The following GPR39 variants were observed in gnomAD, a reference collection of about 807,000 sequenced individuals.
The protein encoded by GPR39 is zinc sensing receptor.
In GPR39, 23 loss-of-function variants were observed where a neutral mutation model predicts 18.4. The ratio of observed to expected loss-of-function variants is 1.25; its 90% CI spans 0.90 to 1.77. The LOEUF (loss-of-function observed/expected upper bound fraction) is 1.77. Among genes scored for constraint, GPR39 ranks in the 40% most tolerant of loss-of-function variants. GPR39 has a pLI of 0.00. For missense variants in GPR39, 647 were observed against 602.4 expected (o/e 1.07, Z -0.78); for synonymous variants, 280 against 257.9 (o/e 1.09, Z -0.82).
At chr2:132,603,225 A>G (rs1681077159) in intron 1 of GPR39, among the ~76,000 whole-genome samples, 1 of 152,190 alleles carries the variant, frequency 6.6e-6, no homozygotes, top group Non-Finnish European at 1.5e-5. Flanking sequence ...AAATTCTCTC[A>G]TTCACTTTAA....
intron 1 of GPR39, among the ~76,000 whole-genome samples, chr2:132,460,074 T>C (rs1680803984): frequency 6.6e-6 from 1 of 152,220 alleles, no homozygotes; most frequent in Admixed American, 6.5e-5. Context: ...TTTGGGATTT[T>C]AGGGTAAATG....
chr2:132,442,133 C>T (rs767089218), intron 1 of GPR39, among the ~76,000 whole-genome samples: 1 of 152,148 alleles, frequency 6.6e-6, no homozygotes, highest in Admixed American at 6.5e-5. Context: ...GAGTACCACC[C>T]AACCACTTTT....
intron 1 of GPR39, among the ~76,000 whole-genome samples, chr2:132,621,114 C>T (rs62169710): frequency 1.5e-4 from 23 of 152,076 alleles, no homozygotes; most frequent in African/African-American, 3.9e-4. Flanking sequence ...TGTGTGTCTC[C>T]GGTGCTTGAG....
chr2:132,430,252 A>G (rs1680201579), intron 1 of GPR39, among the ~76,000 whole-genome samples: 2 of 152,192 alleles, frequency 1.3e-5, no homozygotes, highest in Admixed American at 6.5e-5. Flanking sequence ...ACTCCAGTCT[A>G]TTTATATCAA....
intron 1 of GPR39, among the ~76,000 whole-genome samples, chr2:132,537,813 T>C (rs1273603560): frequency 6.6e-6 from 1 of 151,926 alleles, no homozygotes; most frequent in Non-Finnish European, 1.5e-5. Flanking sequence ...GATTCTGATA[T>C]CCTTTCTTCT....
chr2:132,463,583 G>C (rs1680871901), intron 1 of GPR39, among the ~76,000 whole-genome samples: 1 of 152,054 alleles, frequency 6.6e-6, no homozygotes, highest in Non-Finnish European at 1.5e-5. Context: ...GGAGAAGAGA[G>C]GCAAGAAAAA....
intron 1 of GPR39, among the ~76,000 whole-genome samples, chr2:132,564,810 C>CTATTT (rs1680317130): frequency 3.1e-5 from 3 of 95,456 alleles, no homozygotes; most frequent in South Asian, 8.8e-4. Flanking sequence ...TTTCTTTTTT[C>CTATTT]TTTTTTTTTT....
rs1004779751 is a variant in GPR39, at chr2:132,645,623, C to T, written c.*17C>T. The T allele has an allele frequency of 6.3e-7, 1 of 1,599,708 alleles. No homozygotes were observed. The highest frequency in any genetic ancestry group is 1.7e-5 in the Admixed American group (1 of 58,184). On this transcript the variant is annotated 3_prime_UTR_variant, in exon 2 of 2. Coordinates refer to ENST00000329321, the MANE Select transcript of GPR39 (RefSeq NM_001508.3). ...GAAGTTTGAATGTCAAGCGAGGGAG[C>T]CTTGAGTGGGAACTGGCCCTCCAGC...
chr2:132,577,445 G>T (rs1212215488), intron 1 of GPR39, among the ~76,000 whole-genome samples: 1 of 152,136 alleles, frequency 6.6e-6, no homozygotes, highest in Non-Finnish European at 1.5e-5. Flanking sequence ...TGTGGATTTT[G>T]AAAGGAATTG....
intron 1 of GPR39, among the ~76,000 whole-genome samples, chr2:132,532,398 C>A: frequency 6.6e-6 from 1 of 152,142 alleles, no homozygotes; most frequent in Non-Finnish European, 1.5e-5. Context: ...GGATTCACAG[C>A]CGAATTCTAC....
At chr2:132,575,177 T>C (rs945048975) in intron 1 of GPR39, among the ~76,000 whole-genome samples, 1 of 152,234 alleles carries the variant, frequency 6.6e-6, no homozygotes, top group African/African-American at 2.4e-5. Flanking sequence ...TTCTATTGTA[T>C]GGTTTATTGT....
intron 1 of GPR39, among the ~76,000 whole-genome samples, chr2:132,432,276 C>T (rs1680237526): frequency 6.6e-6 from 1 of 152,120 alleles, no homozygotes; most frequent in African/African-American, 2.4e-5. Context: ...CTCGCTGTGT[C>T]CTCACATGGT....
intron 1 of GPR39, among the ~76,000 whole-genome samples, chr2:132,613,976 A>G (rs1681282745): frequency 6.6e-6 from 1 of 152,236 alleles, no homozygotes; most frequent in Non-Finnish European, 1.5e-5. Context: ...GCTCCTTGTT[A>G]TAAGAAACTG....
intron 1 of GPR39, among the ~76,000 whole-genome samples, chr2:132,588,715 C>T (rs1361094195): frequency 6.6e-6 from 1 of 152,172 alleles, no homozygotes; most frequent in Non-Finnish European, 1.5e-5. Flanking sequence ...GAAGAAGCTG[C>T]ATCTTTTCAG....
intron 1 of GPR39, among the ~76,000 whole-genome samples, chr2:132,435,632 G>A (rs1274334747): frequency 6.6e-6 from 1 of 152,168 alleles, no homozygotes; most frequent in Admixed American, 6.5e-5. Context: ...AACTGTAGTT[G>A]CCTATAGTGA....
chr2:132,525,134 G>A (rs1425213168), intron 1 of GPR39, among the ~76,000 whole-genome samples: 1 of 152,122 alleles, frequency 6.6e-6, no homozygotes, highest in Non-Finnish European at 1.5e-5. Context: ...CTCCCATGAA[G>A]CCCGTGGGTT....
intron 1 of GPR39, among the ~76,000 whole-genome samples, chr2:132,501,479 A>G (rs1338512132): frequency 6.6e-6 from 1 of 151,884 alleles, no homozygotes; most frequent in African/African-American, 2.4e-5. Context: ...ATTTAGTGAG[A>G]CTTGTTTTGT....
intron 1 of GPR39, among the ~76,000 whole-genome samples, chr2:132,425,448 G>A (rs535523864): frequency 2.6e-5 from 4 of 152,260 alleles, no homozygotes; most frequent in African/African-American, 9.6e-5. Context: ...TGGAGGAAAA[G>A]CACCCTCACT....
chr2:132,595,993 C>T lies in GPR39; in HGVS notation c.857-49108C>T, dbSNP rs72983693. Among the ~76,000 whole-genome samples the T allele has an allele frequency of 5.0e-3, 765 of 152,210 alleles. 7 individuals are homozygous for T. Among genetic ancestry groups the T allele is most frequent in the African/African-American group, 0.015 (614 of 41,528 alleles). On this transcript the variant is annotated intron_variant, in intron 1 of 1. Transcript: ENST00000329321. Reference sequence around the variant, plus strand: ...GTGAGCTGGGACTCTTTAGTGTAGCCAGCTCTCCCCCACCCTTATGGAAAA... The same window carrying T: ...GTGAGCTGGGACTCTTTAGTGTAGCTAGCTCTCCCCCACCCTTATGGAAAA...
Sources: gnomAD v4.1 joint callset for allele counts (sites outside exome capture counted in the v4.1 genomes callset) on GRCh38, gnomAD v4.1.1 for gene constraint, MANE v1.5 for transcripts, NCBI Gene and HGNC (gene_info 2026-07-23, HGNC 2026-07-21) for gene names.